The following TECRL variants were observed in gnomAD, a reference collection of about 807,000 sequenced individuals.
TECRL encodes the protein trans-2,3-enoyl-CoA reductase like.
Under a neutral mutation model 52.8 loss-of-function variants are expected in TECRL, and 63 were observed. The observed-to-expected ratio is 1.19, with a 90% CI of 0.97 to 1.47. The LOEUF is 1.47. Among genes scored for constraint, TECRL ranks in the 40% most tolerant of loss-of-function variants. The pLI is 0.00. For synonymous variants in TECRL, 164 were observed against 141.9 expected, an observed-to-expected ratio of 1.16 and a Z score of -1.10; for missense variants, 482 against 429.6, an observed-to-expected ratio of 1.12 and a Z score of -1.08.
chr4:64,310,065 A>G, intron 5 of TECRL, 134 bp from the exon 6 acceptor site: 1 of 545,964 alleles, frequency 1.8e-6, no homozygotes, highest in South Asian at 2.6e-5. Flanking sequence ...CTAAAACACA[A>G]ATACTTGCTT....
At chr4:64,337,557 C>T (rs1471912977) in intron 2 of TECRL, among the ~76,000 whole-genome samples, 1 of 152,152 alleles carries the variant, frequency 6.6e-6, no homozygotes, top group Non-Finnish European at 1.5e-5. Flanking sequence ...TCTCCTTAAG[C>T]TGATAAGCAA....
chr4:64,281,438 A>G (rs1560467256), intron 10 of TECRL, 36 bp downstream of exon 10: 6 of 1,256,628 alleles, frequency 4.8e-6, no homozygotes, highest in Non-Finnish European at 5.7e-6. Flanking sequence ...TATATCATGA[A>G]TAGGATTCAA....
chr4:64,381,716 G>C (rs1365875307), intron 1 of TECRL, among the ~76,000 whole-genome samples: 1 of 151,990 alleles, frequency 6.6e-6, no homozygotes, highest in East Asian at 1.9e-4. Context: ...ATATATTGAA[G>C]TATACATTTA....
At chr4:64,317,996 C>T (rs914256075) in intron 4 of TECRL, among the ~76,000 whole-genome samples, 3 of 152,170 alleles carry the variant, frequency 2.0e-5, no homozygotes, top group Non-Finnish European at 4.4e-5. Context: ...TCCACAGATT[C>T]TAAAGCTCAA....
intron 2 of TECRL, among the ~76,000 whole-genome samples, chr4:64,344,215 A>G (rs1234645506): frequency 6.6e-6 from 1 of 151,422 alleles, no homozygotes; most frequent in Non-Finnish European, 1.5e-5. Flanking sequence ...ACATATTTAT[A>G]CATATAAGAT....
At chr4:64,358,341 A>C (rs1238450607) in intron 2 of TECRL, among the ~76,000 whole-genome samples, 1 of 151,856 alleles carries the variant, frequency 6.6e-6, no homozygotes, top group Non-Finnish European at 1.5e-5. Context: ...TTGTTAAATA[A>C]ATAAATAATC....
At chr4:64,281,690 C>T (rs1329652316) in intron 9 of TECRL, 131 bp from the exon 10 acceptor site, 17 of 526,968 alleles carry the variant, frequency 3.2e-5, no homozygotes, top group Non-Finnish European at 5.1e-5. Flanking sequence ...TTATAGTAAC[C>T]TATTTTGCAA....
At chr4:64,331,857 AAAAG>A (rs1223656157) in intron 2 of TECRL, among the ~76,000 whole-genome samples, 1 of 152,130 alleles carries the variant, frequency 6.6e-6, no homozygotes, top group Middle Eastern at 3.2e-3. Context: ...AAGATAGATT[AAAAG>A]AAATAGGGAC....
intron 2 of TECRL, among the ~76,000 whole-genome samples, chr4:64,343,024 T>C (rs1719698383): frequency 6.6e-6 from 1 of 152,002 alleles, no homozygotes; most frequent in Non-Finnish European, 1.5e-5. Flanking sequence ...TAAAAAATAA[T>C]AGTACAGTTA....
intron 2 of TECRL, among the ~76,000 whole-genome samples, chr4:64,337,368 A>G (rs985541662): frequency 3.3e-4 from 50 of 152,216 alleles, no homozygotes; most frequent in Non-Finnish European, 1.2e-4. Flanking sequence ...AACTGGCACA[A>G]GACAGGAATG....
At chr4:64,366,059 G>C (rs1442366183) in intron 2 of TECRL, among the ~76,000 whole-genome samples, 1 of 151,914 alleles carries the variant, frequency 6.6e-6, no homozygotes. Context: ...GAACAGAATA[G>C]GGAGCCCAGA....
intron 6 of TECRL, among the ~76,000 whole-genome samples, chr4:64,307,492 G>T (rs73228570): frequency 0.024 from 3,588 of 152,162 alleles, 162 homozygotes; most frequent in African/African-American, 0.081. Context: ...GAGGAGAAAG[G>T]AGATGCTTTT....
chr4:64,282,744 T>A (rs1367731968), intron 9 of TECRL, among the ~76,000 whole-genome samples: 2 of 152,050 alleles, frequency 1.3e-5, no homozygotes, highest in Non-Finnish European at 2.9e-5. Flanking sequence ...GTCGATTAAA[T>A]AATGGATATG....
chr4:64,400,497 T>C (rs941192919), intron 1 of TECRL, among the ~76,000 whole-genome samples: 5 of 152,118 alleles, frequency 3.3e-5, no homozygotes, highest in African/African-American at 1.2e-4. Flanking sequence ...CATGAGATTT[T>C]GGAGGGACCA....
intron 6 of TECRL, among the ~76,000 whole-genome samples, chr4:64,309,624 T>C (rs535309684): frequency 1.3e-5 from 2 of 152,164 alleles, no homozygotes; most frequent in Non-Finnish European, 2.9e-5. Flanking sequence ...TATGAGGTAA[T>C]GACAAATCTT....
chr4:64,322,702 A>G lies in TECRL; in HGVS notation c.422T>C (p.Val141Ala). 1.9e-6 allele frequency: 3 copies of G among 1,604,514 alleles called. No homozygotes were observed. The highest frequency in any genetic ancestry group is 2.6e-6 in the Non-Finnish European group (3 of 1,174,782). The change falls in exon 4 of 12, where the codon GTC becomes GCC. Residue 141 changes from valine (V) to alanine (A), a missense_variant. By Grantham distance (64) the Val-to-Ala change is moderately conservative (BLOSUM62 0). Transcript: ENST00000381210. ...TLYATDLGQQ[V>A]SWTTVFLAEY... The stretch of plus-strand genomic sequence containing the variant: ...ATTAACACTTACTGTGGTCCAACTG[A>G]CTTGTTGACCTAGGTCTGTAGCATA...
chr4:64,281,041 C>G lies in TECRL; in HGVS notation c.964G>C (p.Val322Leu), dbSNP rs1722797991. The G allele has an allele frequency of 6.3e-7, 1 of 1,598,908 alleles. No individual in the cohort carries two copies. The highest frequency in any genetic ancestry group is 1.3e-5 in the African/African-American group (1 of 74,592). ...AATTATCAGTATATCTAGGTCTTACCTGGCAGTGTTTGTGTCATGACTGTG... is the reference window on the plus strand; with the variant it reads ...AATTATCAGTATATCTAGGTCTTACGTGGCAGTGTTTGTGTCATGACTGTG... The part of the protein sequence containing the change: ...SFTVMTQTLP[V>L]GIFTLLMSIQ... Residue 322 changes from valine to leucine, a missense_variant and splice_region_variant, in exon 11 of 12, where the codon GTT (valine) becomes CTT (leucine). By Grantham distance (32) the Val-to-Leu change is conservative. Coordinates refer to ENST00000381210, the MANE Select transcript of TECRL (RefSeq NM_001010874.5).
At chr4:64,374,421 A>G (rs938846994) in intron 2 of TECRL, among the ~76,000 whole-genome samples, 1 of 147,508 alleles carries the variant, frequency 6.8e-6, no homozygotes, top group Non-Finnish European at 1.5e-5. Context: ...TCTTTTTATT[A>G]TTATTATACT....
At position 64,281,048 on chromosome 4, in the gene TECRL, T is replaced by C; in HGVS notation, c.957A>G (p.Thr319=). The C allele has an allele frequency of 1.9e-6, 3 of 1,602,344 alleles. No homozygotes were observed. Among genetic ancestry groups the C allele is most frequent in the Non-Finnish European group, 1.7e-6 (2 of 1,172,320 alleles). Residue 319 remains threonine, a synonymous_variant, in exon 11 of 12, where the codon ACA becomes ACG. Coordinates refer to ENST00000381210, the MANE Select transcript of TECRL (RefSeq NM_001010874.5). ...AGTATATCTAGGTCTTACCTGGCAG[T>C]GTTTGTGTCATGACTGTGAAACTAA... ...SWISFTVMTQ[T]LPVGIFTLLM... is the part of the protein sequence containing the mutation.
Sources: allele counts gnomAD v4.1 joint callset (sites outside exome capture counted in the v4.1 genomes callset), GRCh38; gene constraint gnomAD v4.1.1; transcripts MANE v1.5; gene names NCBI Gene and HGNC (gene_info 2026-07-23, HGNC 2026-07-21).